ECE1: variants seen among roughly 807,000 people sequenced by gnomAD.
ECE1 encodes endothelin-converting enzyme 1.
Under a neutral mutation model 98.6 loss-of-function variants are expected in ECE1, and 35 were observed. The ratio of observed to expected loss-of-function variants is 0.35; its 90% CI spans 0.27 to 0.47. The LOEUF is 0.47. Ranked by LOEUF, ECE1 falls within the 20% of genes least tolerant of loss-of-function variation. ECE1 has a pLI of 1.00. For synonymous variants in ECE1, 394 were observed against 407.1 expected, an observed-to-expected ratio of 0.97 and a Z score of 0.39; for missense variants, 814 against 1,025.3, an observed-to-expected ratio of 0.79 and a Z score of 2.81.
intron 10 of ECE1, among the ~76,000 whole-genome samples, chr1:21,239,937 G>A (rs1477165112): frequency 6.6e-6 from 1 of 152,166 alleles, no homozygotes; most frequent in Non-Finnish European, 1.5e-5. Context: ...TCGGGAGGCC[G>A]AGGCAAGTGG....
rs913731788 is a variant in ECE1 at position 21,258,053 on chromosome 1, G to A, written c.763-463C>T. ...ACAGTGCTGGTCAAGTGCCTGCCAA[G>A]CAGGAGGGGAGGGTCAAATTCTGCT... On this transcript the variant is annotated intron_variant, in intron 6 of 18. Coordinates refer to ENST00000374893, the MANE Select transcript of ECE1 (RefSeq NM_001397.3). The surrounding 1 kb of genome is among the most constrained non-coding windows in gnomAD (Gnocchi z 4.2). Among the ~76,000 whole-genome samples the A allele has an allele frequency of 2.0e-5, 3 of 152,238 alleles. No homozygotes were observed. Among genetic ancestry groups the A allele is most frequent in the Admixed American group, 6.5e-5 (1 of 15,288 alleles).
At chr1:21,303,058 C>G (rs1229859078) in intron 1 of ECE1, among the ~76,000 whole-genome samples, 2 of 152,230 alleles carry the variant, frequency 1.3e-5, no homozygotes, top group African/African-American at 4.8e-5. Flanking sequence ...GGCTCCTCAT[C>G]CACTAGGCTT....
Position 21,242,770 on chromosome 1 carries a change from G to A in ECE1, c.1278+2219C>T, listed in dbSNP as rs1243789296. Reference sequence around the variant, plus strand: ...GCCCAGGGAAGCTCACTCCATTACTGACTAATTAATTAATTTTTTAAAAAG... The same window carrying A: ...GCCCAGGGAAGCTCACTCCATTACTAACTAATTAATTAATTTTTTAAAAAG... On this transcript the variant is annotated intron_variant, in intron 10 of 18. Transcript: ENST00000374893. Among the ~76,000 whole-genome samples the A allele has an allele frequency of 2.6e-5, 4 of 152,220 alleles. No homozygotes were observed. In the East Asian group the frequency reaches 7.8e-4, roughly 30 times the overall value.
At chr1:21,226,458 C>T (rs762201606) in intron 16 of ECE1, among the ~76,000 whole-genome samples, 7 of 152,122 alleles carry the variant, frequency 4.6e-5, no homozygotes, top group African/African-American at 9.7e-5. Flanking sequence ...AGGATTTGAA[C>T]CCAGATCCTT....
At chr1:21,255,581 A>G (rs902594347) in intron 8 of ECE1, among the ~76,000 whole-genome samples, 2 of 152,212 alleles carry the variant, frequency 1.3e-5, no homozygotes, top group African/African-American at 4.8e-5. Flanking sequence ...CCATGCATTT[A>G]TTAAGTGCTC....
At position 21,340,458 on chromosome 1, in the gene ECE1, C is replaced by T. The variant is rs537984671; in HGVS notation, c.3+4918G>A. Reference sequence around the variant, plus strand: ...GCCTCCTCACTGGTTTCCCAGCCTTCGGCCTCACTCCTTCTACTCAATCAC... The same window carrying T: ...GCCTCCTCACTGGTTTCCCAGCCTTTGGCCTCACTCCTTCTACTCAATCAC... On this transcript the variant is annotated intron_variant, in intron 1 of 18. Transcript: ENST00000415912. This position sits in a 1 kb window ranked among gnomAD's most constrained non-coding sequence, Gnocchi z 4.6. Among the ~76,000 whole-genome samples, 3 of 152,384 alleles carry T rather than the reference C, an allele frequency of 2.0e-5. No homozygotes were observed. The highest frequency in any genetic ancestry group is 2.9e-5 in the Non-Finnish European group (2 of 68,040).
chr1:21,316,301 C>T (rs1638831408), intron 1 of ECE1, among the ~76,000 whole-genome samples: 1 of 152,212 alleles, frequency 6.6e-6, no homozygotes, highest in African/African-American at 2.4e-5. Context: ...AAGAGTCTTG[C>T]TCTGTTGCCC....
chr1:21,235,529 T>G lies in ECE1; in HGVS notation c.1566+321A>C, dbSNP rs2098186889. ...AATTCTCTCTGCACCTTCTGGGGTC[T>G]GTTTCCTCCATTATTTCCCACATAT... On this transcript the variant is annotated intron_variant, in intron 13 of 18. Coordinates refer to ENST00000374893, the MANE Select transcript of ECE1 (RefSeq NM_001397.3). This position sits in a 1 kb window ranked among gnomAD's most constrained non-coding sequence, Gnocchi z 4.2. Among the ~76,000 whole-genome samples, 1 of 152,206 alleles carries G rather than the reference T, an allele frequency of 6.6e-6. No individual in the cohort carries two copies.
At chr1:21,290,635 C>T (rs2098265730), upstream of ECE1, 2 of 1,023,952 alleles carry the variant, frequency 2.0e-6, no homozygotes, top group Admixed American at 4.5e-5. The surrounding 1 kb of genome is among the most constrained non-coding windows in gnomAD (Gnocchi z 7.3). Context: ...AACTGAAGCC[C>T]CTAGCAGGCA....
chr1:21,317,510 T>C (rs1638855136), intron 1 of ECE1, among the ~76,000 whole-genome samples: 4 of 152,232 alleles, frequency 2.6e-5, no homozygotes, highest in Admixed American at 2.6e-4. Context: ...TCTGCAGCTC[T>C]GGGGATTGAG....
intron 4 of ECE1, chr1:21,267,243 T>C (rs1287649828): frequency 6.6e-6 from 1 of 152,358 alleles, no homozygotes; most frequent in Non-Finnish European, 1.5e-5. Context: ...TTCTGTTGTT[T>C]ACAAATTATC....
chr1:21,236,901 A>C lies in ECE1; in HGVS notation c.1390-57T>G, dbSNP rs540410638. The C allele has an allele frequency of 2.7e-5, 39 of 1,459,736 alleles. No individual in the cohort carries two copies. The African/African-American group carries it at 3.6e-4, about 14-fold the overall frequency. The allele number at this position is 1,459,736 out of a possible 1,614,324, so 90.4% of individuals were successfully genotyped here. A position where few individuals can be genotyped will look rare whatever the true frequency, so the allele number is the denominator to read the frequency against. On this transcript the variant is annotated intron_variant, in intron 11 of 18. Transcript: ENST00000374893. ...TGCGCACTGGTCTCAGGTAAATGCA[A>C]CAGGCACCCCGTGCAGAACAATGAT...
chr1:21,342,628 AC>A (rs1385151025), intron 1 of ECE1, among the ~76,000 whole-genome samples: 1 of 148,972 alleles, frequency 6.7e-6, no homozygotes, highest in Non-Finnish European at 1.5e-5. Context: ...ACACACACAC[AC>A]ACACACACAC....
Position 21,322,515 on chromosome 1 carries a change from T to TG in ECE1, c.3+22860dup, listed in dbSNP as rs1207940069. Among the ~76,000 whole-genome samples, 1 of 152,156 alleles carries TG rather than the reference T, an allele frequency of 6.6e-6. No individual in the cohort carries two copies. The highest frequency in any genetic ancestry group is 1.5e-5 in the Non-Finnish European group (1 of 68,014). On this transcript the variant is annotated intron_variant, in intron 1 of 18. Coordinates refer to the ECE1 transcript ENST00000415912. The surrounding 1 kb of genome is among the most constrained non-coding windows in gnomAD (Gnocchi z 4.1). ...GCAAGGCGCAGGCTGAGGCACAGGT[T>TG]GGGGCTGTGCCAGGCCCCCCACATG...
intron 4 of ECE1, among the ~76,000 whole-genome samples, chr1:21,264,210 C>A (rs1297975981): frequency 6.6e-6 from 1 of 151,994 alleles, no homozygotes; most frequent in African/African-American, 2.4e-5. Flanking sequence ...AAGTTTGAGG[C>A]CTCTATGAGA....
At chr1:21,306,335 T>G (rs545562349) in intron 1 of ECE1, among the ~76,000 whole-genome samples, 4 of 150,280 alleles carry the variant, frequency 2.7e-5, no homozygotes, top group Admixed American at 6.6e-5. Context: ...GTTTTTTTGT[T>G]TTTTTTTTTT....
At position 21,306,490 on chromosome 1, in the gene ECE1, C is replaced by T. The variant is rs1469170023; in HGVS notation, c.4-16334G>A. On this transcript the variant is annotated intron_variant, in intron 1 of 18. Coordinates refer to the ECE1 transcript ENST00000415912. Reference sequence around the variant, plus strand: ...TAGCTGGGATTACAGGTGCCCACCACCACGCCTGGCTAATTTTTGTATTTT... The same window carrying T: ...TAGCTGGGATTACAGGTGCCCACCATCACGCCTGGCTAATTTTTGTATTTT... Among the ~76,000 whole-genome samples the T allele has an allele frequency of 2.0e-5, 3 of 152,236 alleles. No homozygotes were observed. The South Asian group carries it at 6.2e-4, about 32-fold the overall frequency.
intron 4 of ECE1, among the ~76,000 whole-genome samples, chr1:21,270,511 T>A (rs1214653551): frequency 6.6e-6 from 1 of 152,194 alleles, no homozygotes; most frequent in African/African-American, 2.4e-5. Flanking sequence ...TAGCCTATCA[T>A]GAGGACCTCT....
chr1:21,271,650 G>A (rs557831668), intron 4 of ECE1, among the ~76,000 whole-genome samples: 5 of 152,178 alleles, frequency 3.3e-5, no homozygotes, highest in Non-Finnish European at 7.4e-5. Flanking sequence ...GTACAGCACA[G>A]GTGTCATGAT....
Sources: gnomAD v4.1 joint callset for allele counts (sites outside exome capture counted in the v4.1 genomes callset) on GRCh38, gnomAD v4.1.1 for gene constraint, Gnocchi (gnomAD v3.1) non-coding constraint, MANE v1.5 for transcripts, NCBI Gene and HGNC (gene_info 2026-07-23, HGNC 2026-07-21) for gene names.